The following CALN1 variants were observed in gnomAD, a reference collection of about 807,000 sequenced individuals.
CALN1 encodes calneuron 1.
A neutral mutation model predicts 30.6 loss-of-function variants in CALN1; 17 were observed. That is an observed-to-expected ratio of 0.56 (90% CI 0.38 to 0.83). The LOEUF is 0.83. Ranked by LOEUF, CALN1 falls within the 40% of genes least tolerant of loss-of-function variation. The pLI is 0.00. For missense variants in CALN1, 291 were observed against 354.9 expected (o/e 0.82, Z 1.45); for synonymous variants, 156 against 131.4 (o/e 1.19, Z -1.28).
At chr7:72,361,558 T>C (rs567538768) in intron 2 of CALN1, among the ~76,000 whole-genome samples, 1 of 152,264 alleles carries the variant, frequency 6.6e-6, no homozygotes, top group East Asian at 1.9e-4. Flanking sequence ...AGAGATTAAT[T>C]TGTACATGTA....
At chr7:72,032,848 C>T (rs1801549835) in intron 4 of CALN1, among the ~76,000 whole-genome samples, 1 of 152,088 alleles carries the variant, frequency 6.6e-6, no homozygotes, top group South Asian at 2.1e-4. Context: ...AAGAATTGGT[C>T]TGATGAACAA....
intron 4 of CALN1, among the ~76,000 whole-genome samples, chr7:72,053,945 A>G (rs1219056074): frequency 5.3e-5 from 8 of 152,236 alleles, no homozygotes; most frequent in Admixed American, 6.5e-5. Context: ...AATCTCATCC[A>G]GGTCATTGCA....
At chr7:71,842,520 A>G (rs1789994905) in intron 5 of CALN1, among the ~76,000 whole-genome samples, 1 of 152,202 alleles carries the variant, frequency 6.6e-6, no homozygotes, top group African/African-American at 2.4e-5. Context: ...TGGTGGCACA[A>G]GAGCAAGACA....
At chr7:72,401,239 T>A (rs1403431044) in intron 2 of CALN1, among the ~76,000 whole-genome samples, 3 of 152,134 alleles carry the variant, frequency 2.0e-5, no homozygotes, top group African/African-American at 7.2e-5. Flanking sequence ...GGCAATGCAC[T>A]CTGAGAGATA....
In CALN1 at chr7:72,016,998, C is replaced by CAAAAAAAAAAAA. The variant is rs754201004; in HGVS notation, c.501+6647_501+6658dup. Among the ~76,000 whole-genome samples the CAAAAAAAAAAAA allele has an allele frequency of 6.6e-4, 21 of 31,960 alleles. 1 individual carries two copies. Among genetic ancestry groups the CAAAAAAAAAAAA allele is most frequent in the African/African-American group, 1.8e-3 (12 of 6,616 alleles). 21.0% of individuals were successfully genotyped at this position (31,960 alleles called of 152,430 possible). A position where few individuals can be genotyped will look rare whatever the true frequency, so the allele number is the denominator to read the frequency against. On this transcript the variant is annotated intron_variant, in intron 5 of 6. Coordinates refer to ENST00000395275, the MANE Select transcript of CALN1 (RefSeq NM_031468.4). Reference sequence around the variant, plus strand: ...CAAAACCCCGTGTTTACTAAAAATACAAAAAAAAAAAAAAAAAAAGCTGGG... The same window carrying CAAAAAAAAAAAA: ...CAAAACCCCGTGTTTACTAAAAATACAAAAAAAAAAAAAAAAAAAAAAAAAAAAAAAGCTGGG...
chr7:71,942,092 G>A (rs1017660525), intron 5 of CALN1, among the ~76,000 whole-genome samples: 14 of 152,006 alleles, frequency 9.2e-5, no homozygotes, highest in Admixed American at 5.9e-4. Context: ...CCAGCTACTC[G>A]GAGGCTGAGG....
chr7:72,145,635 T>A (rs1208962543), intron 3 of CALN1, among the ~76,000 whole-genome samples: 3 of 152,190 alleles, frequency 2.0e-5, no homozygotes, highest in African/African-American at 7.2e-5. Flanking sequence ...GCCAGCATCA[T>A]CCTGATACCA....
chr7:72,004,685 G>GAACAA lies in CALN1; in HGVS notation c.501+18967_501+18971dup, dbSNP rs200604932. Among the ~76,000 whole-genome samples the GAACAA allele has an allele frequency of 2.3e-3, 349 of 150,984 alleles. 1 individual carries two copies. The highest frequency in any genetic ancestry group is 0.017 in the Middle Eastern group (5 of 292). ...TATATAAAGAATTCTCAAAACTCAA[G>GAACAA]AACAAAACAAAACAAAACAAAACAA... On this transcript the variant is annotated intron_variant, in intron 5 of 6. Transcript: ENST00000395275.
chr7:72,424,210 A>G (rs947858334), intron 1 of CALN1, among the ~76,000 whole-genome samples: 2 of 152,016 alleles, frequency 1.3e-5, no homozygotes, highest in African/African-American at 4.8e-5. Context: ...CCAGTTCTCA[A>G]TGGAGCCCCC....
Position 72,262,084 on chromosome 7 carries a change from G to C in CALN1, c.244+16602C>G, listed in dbSNP as rs368795768. Reference sequence around the variant, plus strand: ...ATTTCCAGTGTGCTCAACTCAAAGAGAGGCCAGTGTCACCCTCCATAGGGG... The same window carrying C: ...ATTTCCAGTGTGCTCAACTCAAAGACAGGCCAGTGTCACCCTCCATAGGGG... On this transcript the variant is annotated intron_variant, in intron 3 of 6. Coordinates refer to ENST00000395275, the MANE Select transcript of CALN1 (RefSeq NM_031468.4). Among the ~76,000 whole-genome samples, 4 of 152,326 alleles carry C rather than the reference G, an allele frequency of 2.6e-5. No individual in the cohort carries two copies. In the East Asian group the frequency reaches 5.8e-4, roughly 22 times the overall value.
At chr7:72,214,238 G>A (rs1283633319) in intron 3 of CALN1, among the ~76,000 whole-genome samples, 1 of 152,220 alleles carries the variant, frequency 6.6e-6, no homozygotes, top group Non-Finnish European at 1.5e-5. Flanking sequence ...CCAGCACTTT[G>A]GGAGGCCTAG....
At chr7:72,146,954 T>C (rs151178823) in intron 3 of CALN1, among the ~76,000 whole-genome samples, 1 of 152,118 alleles carries the variant, frequency 6.6e-6, no homozygotes, top group Non-Finnish European at 1.5e-5. Flanking sequence ...TTACACCTTA[T>C]ACAAAAATTA....
chr7:72,031,818 C>T (rs572967476), intron 4 of CALN1, among the ~76,000 whole-genome samples: 12 of 145,654 alleles, frequency 8.2e-5, no homozygotes, highest in South Asian at 4.4e-4. Flanking sequence ...CTTGGCTGAT[C>T]GCAACCTCCG....
intron 5 of CALN1, among the ~76,000 whole-genome samples, chr7:71,855,295 T>TC (rs1228555431): frequency 1.3e-5 from 2 of 151,800 alleles, no homozygotes; most frequent in Non-Finnish European, 2.9e-5. Flanking sequence ...AGCTCAGGAG[T>TC]CCGTGTTTCA....
intron 4 of CALN1, among the ~76,000 whole-genome samples, chr7:72,051,766 T>C (rs1563012393): frequency 6.6e-6 from 1 of 152,164 alleles, no homozygotes; most frequent in Non-Finnish European, 1.5e-5. Flanking sequence ...AATCAATCCA[T>C]GTATGAAATC....
intron 3 of CALN1, among the ~76,000 whole-genome samples, chr7:72,269,142 A>C (rs1479056646): frequency 6.6e-6 from 1 of 152,176 alleles, no homozygotes; most frequent in Non-Finnish European, 1.5e-5. Flanking sequence ...GAACATCAGA[A>C]GCCCATGTGT....
chr7:72,405,190 TAA>T (rs1806617296), intron 1 of CALN1, among the ~76,000 whole-genome samples: 1 of 152,124 alleles, frequency 6.6e-6, no homozygotes, highest in South Asian at 2.1e-4. Context: ...AAAGACACCT[TAA>T]AGAGAGTAAG....
chr7:72,362,269 G>C (rs1803617942), intron 2 of CALN1, among the ~76,000 whole-genome samples: 3 of 152,154 alleles, frequency 2.0e-5, no homozygotes, highest in Admixed American at 1.3e-4. Flanking sequence ...GATGACTTTT[G>C]ATAAGTGATA....
intron 6 of CALN1, among the ~76,000 whole-genome samples, chr7:71,789,968 T>C (rs1411260416): frequency 2.0e-5 from 3 of 151,514 alleles, no homozygotes; most frequent in East Asian, 1.9e-4. Flanking sequence ...CTGGGTGTCG[T>C]TGGTGCATGC....
Sources: gnomAD v4.1 joint callset for allele counts (sites outside exome capture counted in the v4.1 genomes callset) on GRCh38, gnomAD v4.1.1 for gene constraint, MANE v1.5 for transcripts, NCBI Gene and HGNC (gene_info 2026-07-23, HGNC 2026-07-21) for gene names.